Variants in PLA2R1 observed in about 807,000 individuals in gnomAD.
The protein encoded by PLA2R1 is phospholipase A2 receptor 1, also known as secretory phospholipase A2 receptor.
In PLA2R1, 158 loss-of-function variants were observed where a neutral mutation model predicts 195.9. The observed-to-expected ratio is 0.81, with a 90% CI of 0.71 to 0.92. The LOEUF is 0.92. Among genes scored for constraint, PLA2R1 ranks in the 40% least tolerant of loss-of-function variants. The pLI, the probability that PLA2R1 is intolerant of heterozygous loss-of-function variation, is 0.00. For missense variants in PLA2R1, 1,626 were observed against 1,764.6 expected, an observed-to-expected ratio of 0.92 and a Z score of 1.41; for synonymous variants, 586 against 598.2, an observed-to-expected ratio of 0.98 and a Z score of 0.30.
At chr2:160,058,760 C>T (rs1361560169) in intron 1 of PLA2R1, among the ~76,000 whole-genome samples, 1 of 151,942 alleles carries the variant, frequency 6.6e-6, no homozygotes, top group Non-Finnish European at 1.5e-5. Context: ...CTTGGAATAA[C>T]CAGCTAGAGC....
intron 12 of PLA2R1, among the ~76,000 whole-genome samples, chr2:159,984,702 T>C (rs1260873697): frequency 6.6e-6 from 1 of 152,188 alleles, no homozygotes; most frequent in African/African-American, 2.4e-5. Flanking sequence ...GTCTTCATGG[T>C]GGCAGGAAGA....
At position 159,996,441 on chromosome 2, in the gene PLA2R1, T is replaced by A. The variant is rs143516403; in HGVS notation, c.1835-9083A>T. 1.3e-3 allele frequency among the ~76,000 whole-genome samples: 198 copies of A among 152,184 alleles called. 1 individual carries two copies. The highest frequency in any genetic ancestry group is 4.6e-3 in the African/African-American group (192 of 41,554). On this transcript the variant is annotated intron_variant, in intron 11 of 29. Coordinates refer to ENST00000283243, the MANE Select transcript of PLA2R1 (RefSeq NM_007366.5). ...TCTTTGCTCCTCTAAAGATAAGGTG[T>A]TTTTCCCCTCTGGCTTCTTTCAAGA...
chr2:160,033,133 C>G lies in PLA2R1; in HGVS notation c.668-1G>C. On this transcript the variant is annotated splice_acceptor_variant, in intron 3 of 29. Coordinates refer to ENST00000283243, the MANE Select transcript of PLA2R1 (RefSeq NM_007366.5). LOFTEE classifies it high-confidence loss of function. The stretch of plus-strand genomic sequence containing the variant: ...GTATCACAACCTACTTCTGCAGAGG[C>G]TGGAAACAATGGCCATTAAAAACAA... The G allele has an allele frequency of 3.7e-6, 6 of 1,604,528 alleles. No homozygotes were observed. The highest frequency in any genetic ancestry group is 5.1e-6 in the Non-Finnish European group (6 of 1,176,240).
At chr2:159,973,231 A>G (rs1055681833) in intron 17 of PLA2R1, among the ~76,000 whole-genome samples, 3 of 152,120 alleles carry the variant, frequency 2.0e-5, no homozygotes, top group Non-Finnish European at 2.9e-5. Flanking sequence ...TCTTTCTTAC[A>G]AAATGTGAAC....
chr2:159,959,057 C>A (rs1688278040), intron 20 of PLA2R1, among the ~76,000 whole-genome samples: 1 of 152,160 alleles, frequency 6.6e-6, no homozygotes, highest in African/African-American at 2.4e-5. Context: ...TCCTTTTTGT[C>A]TTGTTTGCTT....
chr2:159,971,620 G>T (rs1030683274), intron 17 of PLA2R1, among the ~76,000 whole-genome samples: 16 of 150,834 alleles, frequency 1.1e-4, no homozygotes, highest in East Asian at 3.9e-4. Context: ...ACTTAATGGG[G>T]GTGTGTGTGT....
chr2:159,984,282 G>A (rs1002181711), intron 12 of PLA2R1, among the ~76,000 whole-genome samples: 1 of 151,646 alleles, frequency 6.6e-6, no homozygotes, highest in African/African-American at 2.4e-5. Context: ...ACAAATTTCT[G>A]AGGAGAATAT....
intron 11 of PLA2R1, among the ~76,000 whole-genome samples, chr2:159,989,254 G>C (rs117513157): frequency 6.6e-6 from 1 of 152,164 alleles, no homozygotes; most frequent in Non-Finnish European, 1.5e-5. Context: ...AGCTTTGCAG[G>C]CCTGTTGAAT....
chr2:159,974,892 T>C (rs1689439266), intron 17 of PLA2R1, among the ~76,000 whole-genome samples: 1 of 152,170 alleles, frequency 6.6e-6, no homozygotes, highest in South Asian at 2.1e-4. Context: ...CCATGAACTG[T>C]GAGGAAAGAC....
intron 12 of PLA2R1, among the ~76,000 whole-genome samples, chr2:159,984,441 G>A (rs1417395695): frequency 1.4e-4 from 21 of 152,136 alleles, no homozygotes; most frequent in Admixed American, 1.4e-3. Flanking sequence ...AGGTCACACA[G>A]CTATAAACTG....
rs960101159 is a variant in PLA2R1 at position 159,949,668 on chromosome 2, G to A, written c.3649C>T (p.Arg1217Cys). 3.1e-6 allele frequency: 5 copies of A among 1,613,822 alleles called. No homozygotes were observed. Among genetic ancestry groups the A allele is most frequent in the East Asian group, 4.5e-5 (2 of 44,892 alleles). The change falls in exon 25 of 30, where the codon CGC (arginine) becomes TGC (cysteine). Residue 1217 changes from arginine (R) to cysteine (C), a missense_variant. By Grantham distance (180) the Arg-to-Cys change is radical (BLOSUM62 -3). Coordinates refer to ENST00000283243, the MANE Select transcript of PLA2R1 (RefSeq NM_007366.5). ...GDCVFADSNG[R>C]WHSTACESFL... ...GACTCGCAGGCTGTGCTATGCCAGCGTCCGTTGCTGTCGGCAAAAACGCAG... is the reference window on the plus strand; with the variant it reads ...GACTCGCAGGCTGTGCTATGCCAGCATCCGTTGCTGTCGGCAAAAACGCAG...
intron 1 of PLA2R1, among the ~76,000 whole-genome samples, chr2:160,049,510 C>T (rs1695089947): frequency 6.6e-6 from 1 of 152,172 alleles, no homozygotes; most frequent in Non-Finnish European, 1.5e-5. Context: ...TGGGAATTTG[C>T]CTAGCTAATG....
At chr2:159,951,610 C>A in intron 23 of PLA2R1, 32 bp from the exon 24 acceptor site, 1 of 1,105,778 alleles carries the variant, frequency 9.0e-7, no homozygotes, top group South Asian at 1.3e-5. Context: ...AAGTCATTTG[C>A]AGCATCTGGA....
rs1688641173 is a variant in PLA2R1 at position 159,964,265 on chromosome 2, A to C, written c.2904+3274T>G. 2.0e-5 allele frequency among the ~76,000 whole-genome samples: 3 copies of C among 152,216 alleles called. No homozygotes were observed. In the South Asian group the frequency reaches 6.2e-4, roughly 31 times the overall value. ...CAGGAAGTTAGTGCTTAATGGTTAC[A>C]GAGTTTCTGTTTGGGATAGTGAGAA... On this transcript the variant is annotated intron_variant, in intron 20 of 29. Coordinates refer to ENST00000283243, the MANE Select transcript of PLA2R1 (RefSeq NM_007366.5).
At chr2:160,021,113 T>G (rs1558944180) in intron 7 of PLA2R1, among the ~76,000 whole-genome samples, 1 of 150,944 alleles carries the variant, frequency 6.6e-6, no homozygotes, top group Non-Finnish European at 1.5e-5. Context: ...AAGATAGGAG[T>G]TTTTTTTTCC....
rs1441058887 is a variant in PLA2R1 at position 159,942,127 on chromosome 2, CT to C, written c.4176del (p.Gly1393AspfsTer13). 2 of 1,610,688 alleles carry C rather than the reference CT, an allele frequency of 1.2e-6. No individual in the cohort carries two copies. The highest frequency in any genetic ancestry group is 1.7e-6 in the Non-Finnish European group (2 of 1,177,392). On this transcript the variant is annotated frameshift_variant and splice_region_variant, in exon 29 of 30. Transcript: ENST00000283243. LOFTEE classifies it low-confidence loss of function (END_TRUNC). Reference sequence around the variant, plus strand: ...ATGTTTTGTATGGTTTCAAACGTACCTTTTTCTGGCAGCGCCTCTGCAGTGT... The same window carrying C: ...ATGTTTTGTATGGTTTCAAACGTACCTTTTCTGGCAGCGCCTCTGCAGTGT... ...DIHTAEALPE[K>X]GPSHSIIPLA...
intron 11 of PLA2R1, among the ~76,000 whole-genome samples, chr2:160,002,832 G>A (rs1056720187): frequency 6.6e-5 from 10 of 152,040 alleles, no homozygotes; most frequent in Non-Finnish European, 1.2e-4. Context: ...TATTAAGAGA[G>A]TAAAGGAGAA....
rs921569044 is a variant in PLA2R1, at chr2:159,937,901, G to A, written c.*3877C>T. On this transcript the variant is annotated 3_prime_UTR_variant, in exon 30 of 30. Coordinates refer to ENST00000283243, the MANE Select transcript of PLA2R1 (RefSeq NM_007366.5). ...GAAGCTTCACTGACATCAATACTTC[G>A]AATATTTTTCTTTGGAGCCATGGAG... is the stretch of plus-strand genomic sequence containing the variant. The A allele has an allele frequency of 1.3e-5, 2 of 152,224 alleles. No individual in the cohort carries two copies. Among genetic ancestry groups the A allele is most frequent in the Non-Finnish European group, 1.5e-5 (1 of 68,016 alleles). The allele number at this position is 152,224 out of a possible 1,614,324, so 9.4% of individuals were successfully genotyped here.
intron 11 of PLA2R1, among the ~76,000 whole-genome samples, chr2:159,994,616 A>C (rs908236917): frequency 6.6e-6 from 1 of 152,058 alleles, no homozygotes; most frequent in African/African-American, 2.4e-5. Context: ...GGATGAAACA[A>C]TATGATGTTG....
Sources: gnomAD v4.1 joint callset for allele counts (sites outside exome capture counted in the v4.1 genomes callset) on GRCh38, gnomAD v4.1.1 for gene constraint, MANE v1.5 for transcripts, NCBI Gene and HGNC (gene_info 2026-07-23, HGNC 2026-07-21) for gene names.